MAGI2: variants seen among roughly 807,000 people sequenced by gnomAD.
The protein encoded by MAGI2 is membrane associated guanylate kinase, WW and PDZ domain containing 2.
Under a neutral mutation model 133.3 loss-of-function variants are expected in MAGI2, and 35 were observed. The observed-to-expected ratio is 0.26, with a 90% CI of 0.20 to 0.35. The LOEUF is 0.35. Ranked by LOEUF, MAGI2 falls within the 10% of genes least tolerant of loss-of-function variation. The pLI is 1.00. For synonymous variants in MAGI2, 729 were observed against 710.6 expected (o/e 1.03, Z -0.41); for missense variants, 1,636 against 1,863.4 (o/e 0.88, Z 2.25).
At chr7:78,879,774 C>G (rs549169625) in intron 2 of MAGI2, among the ~76,000 whole-genome samples, 1 of 151,944 alleles carries the variant, frequency 6.6e-6, no homozygotes, top group African/African-American at 2.4e-5. Context: ...GAATTCAAAG[C>G]ATGTATTGCA....
chr7:79,335,986 C>T (rs1300648379), intron 1 of MAGI2, among the ~76,000 whole-genome samples: 1 of 152,030 alleles, frequency 6.6e-6, no homozygotes, highest in Non-Finnish European at 1.5e-5. Flanking sequence ...TCTTTCAGCA[C>T]TTAACATAGA....
chr7:79,136,584 C>G (rs1487453570), intron 1 of MAGI2, among the ~76,000 whole-genome samples: 1 of 152,192 alleles, frequency 6.6e-6, no homozygotes, highest in African/African-American at 2.4e-5. Context: ...ATCCTGACAC[C>G]TATTCAGACC....
At chr7:79,218,545 G>A (rs1419315791) in intron 1 of MAGI2, among the ~76,000 whole-genome samples, 1 of 151,948 alleles carries the variant, frequency 6.6e-6, no homozygotes, top group East Asian at 1.9e-4. Context: ...ATGTAAAATT[G>A]TTATTACTGT....
At chr7:78,453,096 G>A (rs556437689) in intron 6 of MAGI2, among the ~76,000 whole-genome samples, 2 of 152,094 alleles carry the variant, frequency 1.3e-5, no homozygotes, top group South Asian at 4.1e-4. Context: ...TTTATTTTTA[G>A]TTTTCAATGG....
intron 6 of MAGI2, among the ~76,000 whole-genome samples, chr7:78,429,507 T>C (rs898503753): frequency 3.9e-5 from 6 of 152,038 alleles, no homozygotes; most frequent in Non-Finnish European, 5.9e-5. Flanking sequence ...GAGAAGCTAA[T>C]AGACTGATAA....
intron 16 of MAGI2, among the ~76,000 whole-genome samples, chr7:78,141,548 AAAACAGAC>A (rs1822753038): frequency 6.6e-6 from 1 of 152,164 alleles, no homozygotes; most frequent in South Asian, 2.1e-4. Flanking sequence ...AAATTAAGAA[AAAACAGAC>A]GGCATGACTT....
chr7:78,963,258 A>G (rs1287289644), intron 2 of MAGI2, among the ~76,000 whole-genome samples: 1 of 152,138 alleles, frequency 6.6e-6, no homozygotes, highest in Non-Finnish European at 1.5e-5. Context: ...TATCACATCC[A>G]TTAAGAAAAG....
chr7:79,067,837 G>T (rs1814523930), intron 1 of MAGI2, among the ~76,000 whole-genome samples: 1 of 152,150 alleles, frequency 6.6e-6, no homozygotes, highest in Non-Finnish European at 1.5e-5. Context: ...TTTGTCAAAG[G>T]CCTTTTCTGC....
chr7:78,247,037 A>G (rs1188491115), intron 10 of MAGI2, among the ~76,000 whole-genome samples: 4 of 152,048 alleles, frequency 2.6e-5, no homozygotes, highest in Non-Finnish European at 5.9e-5. Flanking sequence ...TGAACCCCGG[A>G]CCTCAGTTTC....
intron 1 of MAGI2, among the ~76,000 whole-genome samples, chr7:79,081,579 A>G (rs1029108381): frequency 6.6e-6 from 1 of 152,166 alleles, no homozygotes; most frequent in Non-Finnish European, 1.5e-5. Flanking sequence ...CTCAGTAATA[A>G]AAATAAAATT....
chr7:79,071,924 G>A (rs912756406), intron 1 of MAGI2, among the ~76,000 whole-genome samples: 1 of 152,128 alleles, frequency 6.6e-6, no homozygotes, highest in Non-Finnish European at 1.5e-5. Flanking sequence ...ACTGAGCCAG[G>A]TACTGGAGGG....
chr7:78,880,554 T>C (rs893237353), intron 2 of MAGI2, among the ~76,000 whole-genome samples: 1 of 152,130 alleles, frequency 6.6e-6, no homozygotes, highest in African/African-American at 2.4e-5. Flanking sequence ...CTAGACCAGA[T>C]TTACATGAGA....
chr7:79,391,026 C>A (rs62458988), intron 1 of MAGI2, among the ~76,000 whole-genome samples: 2 of 151,984 alleles, frequency 1.3e-5, no homozygotes, highest in South Asian at 2.1e-4. Flanking sequence ...GAACTCAATA[C>A]ACGAAATGTA....
intron 1 of MAGI2, among the ~76,000 whole-genome samples, chr7:79,291,280 G>A (rs1836463158): frequency 6.6e-6 from 1 of 151,778 alleles, no homozygotes; most frequent in Non-Finnish European, 1.5e-5. Context: ...ATATTCCATT[G>A]TATGTATAAA....
chr7:79,021,941 T>G (rs1253649173), intron 1 of MAGI2, among the ~76,000 whole-genome samples: 1 of 152,122 alleles, frequency 6.6e-6, no homozygotes, highest in Non-Finnish European at 1.5e-5. Flanking sequence ...GTTTCCCCTA[T>G]GCTGTTTTTG....
chr7:79,292,010 T>C (rs540304059), intron 1 of MAGI2, among the ~76,000 whole-genome samples: 2 of 152,310 alleles, frequency 1.3e-5, no homozygotes, highest in South Asian at 4.1e-4. Flanking sequence ...TATTCCTATG[T>C]TTTCTTCCAA....
intron 10 of MAGI2, among the ~76,000 whole-genome samples, chr7:78,205,518 G>T (rs1829650937): frequency 6.6e-6 from 1 of 152,098 alleles, no homozygotes; most frequent in Admixed American, 6.6e-5. Context: ...AGAAAACAAT[G>T]AATAATTTTT....
At chr7:78,853,977 C>CTG (rs1251304402) in intron 2 of MAGI2, among the ~76,000 whole-genome samples, 1 of 151,608 alleles carries the variant, frequency 6.6e-6, no homozygotes, top group Non-Finnish European at 1.5e-5. Context: ...CTCTCTCTCT[C>CTG]TGTGATTTAA....
rs768527085 is a variant in MAGI2, at chr7:78,160,203, G to A, written c.2667C>T (p.Asp889=). ...VSTHHSSPRS[D]YATYTNSNHA... is the part of the protein sequence containing the mutation. ...GGTTGCTGTTGGTGTAGGTTGCGTA[G>A]TCACTGCGTGGAGAGCTGTGGTGGG... The change falls in exon 16 of 22, where the codon GAC becomes GAT. Residue 889 remains aspartate, a synonymous_variant. Coordinates refer to ENST00000354212, the MANE Select transcript of MAGI2 (RefSeq NM_012301.4). The A allele has an allele frequency of 1.2e-6, 2 of 1,612,508 alleles. No homozygotes were observed. The highest frequency in any genetic ancestry group is 1.7e-6 in the Non-Finnish European group (2 of 1,179,242).
Sources: allele counts gnomAD v4.1 joint callset (sites outside exome capture counted in the v4.1 genomes callset), GRCh38; gene constraint gnomAD v4.1.1; transcripts MANE v1.5; gene names NCBI Gene and HGNC (gene_info 2026-07-23, HGNC 2026-07-21).